UGT2B7: variants seen among roughly 807,000 people sequenced by gnomAD.
UGT2B7 encodes UDP glucuronosyltransferase family 2 member B7.
Under a neutral mutation model 51.9 loss-of-function variants are expected in UGT2B7, and 51 were observed. The observed-to-expected ratio is 0.98, with a 90% CI of 0.78 to 1.24. The LOEUF (loss-of-function observed/expected upper bound fraction) is 1.24. UGT2B7 is among the 50% of genes most tolerant of loss of function. UGT2B7 has a pLI of 0.00. For missense variants in UGT2B7, 727 were observed against 628.4 expected (o/e 1.16, Z -1.68); for synonymous variants, 225 against 211.6 (o/e 1.06, Z -0.55).
At chr4:69,054,516 C>A (rs1334467153) in intron 1 of UGT2B7, among the ~76,000 whole-genome samples, 3 of 152,118 alleles carry the variant, frequency 2.0e-5, no homozygotes, top group Non-Finnish European at 4.4e-5. Flanking sequence ...CCCCACATAA[C>A]CATTGAAGTT....
chr4:69,053,302 T>C (rs572146768), intron 1 of UGT2B7, among the ~76,000 whole-genome samples: 4 of 152,304 alleles, frequency 2.6e-5, no homozygotes, highest in African/African-American at 9.6e-5. Flanking sequence ...GTCTAAAAAC[T>C]AATACAAATT....
At chr4:69,081,628 A>C (rs1718840131) in intron 1 of UGT2B7, among the ~76,000 whole-genome samples, 1 of 152,102 alleles carries the variant, frequency 6.6e-6, no homozygotes, top group Non-Finnish European at 1.5e-5. Flanking sequence ...ATTTCCAAAC[A>C]TCAGGACTTC....
At chr4:69,106,413 C>T (rs1719600950) in intron 3 of UGT2B7, among the ~76,000 whole-genome samples, 2 of 152,192 alleles carry the variant, frequency 1.3e-5, no homozygotes, top group East Asian at 3.9e-4. Flanking sequence ...CATCCATATC[C>T]CTGCAAAATA....
intron 1 of UGT2B7, among the ~76,000 whole-genome samples, chr4:69,076,491 G>A (rs1718709998): frequency 6.6e-6 from 1 of 152,130 alleles, no homozygotes; most frequent in Non-Finnish European, 1.5e-5. Context: ...GGCGTGAGAT[G>A]GTATTTCATT....
Position 69,108,276 on chromosome 4 carries a change from A to G in UGT2B7, c.1264A>G (p.Ser422Gly), listed in dbSNP as rs749629452. The change falls in exon 5 of 6, where the codon AGT (serine) becomes GGT (glycine). Residue 422 changes from serine to glycine, a missense_variant. Coordinates refer to ENST00000305231, the MANE Select transcript of UGT2B7 (RefSeq NM_001074.4). The part of the protein sequence containing the change: ...AVRVDFNTMS[S>G]TDLLNALKRV... ...TAGAGTGGACTTCAACACAATGTCG[A>G]GTACAGACTTGCTGAATGCATTGAA... is the stretch of plus-strand genomic sequence containing the variant. 1 of 1,613,646 alleles carries G rather than the reference A, an allele frequency of 6.2e-7. No individual in the cohort carries two copies. The highest frequency in any genetic ancestry group is 8.5e-7 in the Non-Finnish European group (1 of 1,179,620).
chr4:69,079,012 T>A (rs1052627677), intron 1 of UGT2B7, among the ~76,000 whole-genome samples: 1 of 152,082 alleles, frequency 6.6e-6, no homozygotes, highest in African/African-American at 2.4e-5. Context: ...ACCTGCCTGG[T>A]TACCAGTGAC....
At chr4:69,105,279 T>C (rs1484791435) in intron 3 of UGT2B7, among the ~76,000 whole-genome samples, 1 of 151,528 alleles carries the variant, frequency 6.6e-6, no homozygotes, top group Non-Finnish European at 1.5e-5. Flanking sequence ...AAATATATTA[T>C]CTTTTATATA....
At position 69,097,103 on chromosome 4, in the gene UGT2B7, C is replaced by A. The variant is rs1438019767; in HGVS notation, c.583C>A (p.Pro195Thr). 3 of 1,613,690 alleles carry A rather than the reference C, an allele frequency of 1.9e-6. No homozygotes were observed. Among genetic ancestry groups the A allele is most frequent in the Non-Finnish European group, 2.5e-6 (3 of 1,179,706 alleles). The change falls in exon 1 of 6, where the codon CCT becomes ACT. Residue 195 changes from proline to threonine, a missense_variant. Transcript: ENST00000305231. Reference sequence around the variant, plus strand: ...ATTTATTTTCCCTCCTTCCTACGTACCTGTTGTTATGTCAGAATTAACTGA... The same window carrying A: ...ATTTATTTTCCCTCCTTCCTACGTAACTGTTGTTATGTCAGAATTAACTGA... ...GGFIFPPSYV[P>T]VVMSELTDQM...
intron 1 of UGT2B7, among the ~76,000 whole-genome samples, chr4:69,074,519 T>C (rs186116582): frequency 6.6e-6 from 1 of 151,244 alleles, no homozygotes; most frequent in South Asian, 2.1e-4. Flanking sequence ...TCCAACTGCG[T>C]GTCACTGGTT....
At position 69,107,187 on chromosome 4, in the gene UGT2B7, T is replaced by C; in HGVS notation, c.1015T>C (p.Phe339Leu). 6.2e-7 allele frequency: 1 copy of C among 1,608,564 alleles called. No individual in the cohort carries two copies. Among genetic ancestry groups the C allele is most frequent in the Non-Finnish European group, 8.5e-7 (1 of 1,176,866 alleles). ...AQIPQKVLWR[F>L]DGNKPDTLGL... ...TTTATTGTAACAGGTTCTGTGGAGA[T>C]TTGATGGGAATAAACCAGATACCTT... The change falls in exon 4 of 6, where the codon TTT (phenylalanine) becomes CTT (leucine). Residue 339 changes from phenylalanine (F) to leucine (L), a missense_variant. Coordinates refer to ENST00000305231, the MANE Select transcript of UGT2B7 (RefSeq NM_001074.4).
Position 69,108,139 on chromosome 4 carries a change from G to T in UGT2B7, c.1127G>T (p.Gly376Val). Residue 376 changes from glycine (G) to valine (V), a missense_variant, in exon 5 of 6, where the codon GGA (glycine) becomes GTA (valine). Coordinates refer to ENST00000305231, the MANE Select transcript of UGT2B7 (RefSeq NM_001074.4). ...PKTRAFITHG[G>V]ANGIYEAIYH... ...ACCAGAGCTTTTATAACTCATGGTGGAGCCAATGGCATCTACGAGGCAATC... is the reference window on the plus strand; with the variant it reads ...ACCAGAGCTTTTATAACTCATGGTGTAGCCAATGGCATCTACGAGGCAATC... The T allele has an allele frequency of 6.2e-7, 1 of 1,613,480 alleles. No homozygotes were observed. The highest frequency in any genetic ancestry group is 8.5e-7 in the Non-Finnish European group (1 of 1,179,594).
intron 1 of UGT2B7, among the ~76,000 whole-genome samples, chr4:69,079,036 G>C: frequency 6.6e-6 from 1 of 152,156 alleles, no homozygotes; most frequent in East Asian, 1.9e-4. Context: ...TTCAGGTGGA[G>C]CATGCTCTGC....
chr4:69,104,757 C>A (rs2109890699), intron 3 of UGT2B7, among the ~76,000 whole-genome samples: 1 of 152,236 alleles, frequency 6.6e-6, no homozygotes, highest in South Asian at 2.1e-4. Context: ...TTCCTTAGGG[C>A]ACTGTACACA....
rs1560499772 is a variant in UGT2B7, at chr4:69,064,100, A to AGAGAGAGAGAG, written c.-159+12498_-159+12499insGAGAGAGAGAG. Among the ~76,000 whole-genome samples the AGAGAGAGAGAG allele has an allele frequency of 3.2e-4, 34 of 104,716 alleles. 1 individual carries two copies. The highest frequency in any genetic ancestry group is 5.6e-4 in the Non-Finnish European group (30 of 53,602). 68.7% of individuals were successfully genotyped at this position (104,716 alleles called of 152,430 possible). On this transcript the variant is annotated intron_variant, in intron 1 of 5. Transcript: ENST00000502942. ...AGAAAGAAAGAAAGAAAGAAAGAGAAAGAAAGAAAGAAAAAGAAAGAAAGA... is the reference window on the plus strand; with the variant it reads ...AGAAAGAAAGAAAGAAAGAAAGAGAAGAGAGAGAGAGAGAAAGAAAGAAAAAGAAAGAAAGA...
At position 69,108,096 on chromosome 4, in the gene UGT2B7, A is replaced by G. The variant is rs572047837; in HGVS notation, c.1091-7A>G. On this transcript the variant is annotated splice_region_variant and splice_polypyrimidine_tract_variant and intron_variant, in intron 4 of 5. Coordinates refer to ENST00000305231, the MANE Select transcript of UGT2B7 (RefSeq NM_001074.4). ...GAGTAATTTTGCTAAAATTCATCCAATCCTAGGTCATCCAAAGACCAGAGC... is the reference window on the plus strand; with the variant it reads ...GAGTAATTTTGCTAAAATTCATCCAGTCCTAGGTCATCCAAAGACCAGAGC... The G allele has an allele frequency of 2.5e-5, 41 of 1,613,232 alleles. No homozygotes were observed. The highest frequency in any genetic ancestry group is 3.3e-5 in the Non-Finnish European group (39 of 1,179,484).
chr4:69,094,350 G>A (rs1268919220), upstream of UGT2B7, among the ~76,000 whole-genome samples: 4 of 35,578 alleles, frequency 1.1e-4, 2 homozygotes, highest in Non-Finnish European at 1.8e-4. Flanking sequence ...GGGTTTCACC[G>A]TGTTAGCCAG....
At chr4:69,081,882 TTTTG>T in intron 1 of UGT2B7, among the ~76,000 whole-genome samples, 1 of 152,288 alleles carries the variant, frequency 6.6e-6, no homozygotes, top group Non-Finnish European at 1.5e-5. Flanking sequence ...ATTTAGGTTT[TTTTG>T]TTTCTTTTTT....
At chr4:69,074,271 G>A (rs1718656834) in intron 1 of UGT2B7, among the ~76,000 whole-genome samples, 1 of 151,922 alleles carries the variant, frequency 6.6e-6, no homozygotes, top group African/African-American at 2.4e-5. Flanking sequence ...AGCTTCAGAG[G>A]TTGAGGCTCA....
At chr4:69,064,100 A>AAGAAAGAAAG (rs1718431427) in intron 1 of UGT2B7, among the ~76,000 whole-genome samples, 1 of 104,724 alleles carries the variant, frequency 9.5e-6, no homozygotes, top group Non-Finnish European at 1.9e-5. Flanking sequence ...AAGAAAGAGA[A>AAGAAAGAAAG]AGAAAGAAAG....
Sources: allele counts gnomAD v4.1 joint callset (sites outside exome capture counted in the v4.1 genomes callset), GRCh38; gene constraint gnomAD v4.1.1; transcripts MANE v1.5; gene names NCBI Gene and HGNC (gene_info 2026-07-23, HGNC 2026-07-21).